Variants in CLASP2 observed in about 807,000 individuals in gnomAD.
CLASP2 encodes the protein CLIP-associating protein 2.
CLASP2 carries 47 observed loss-of-function variants against 194.4 expected under a neutral mutation model. The ratio of observed to expected loss-of-function variants is 0.24; its 90% CI spans 0.19 to 0.31. The LOEUF (loss-of-function observed/expected upper bound fraction) is 0.31. Ranked by LOEUF, CLASP2 falls within the 10% of genes least tolerant of loss-of-function variation. The pLI is 1.00. For missense variants in CLASP2, 1,445 were observed against 1,823.6 expected (o/e 0.79, Z 3.78); for synonymous variants, 619 against 633.5 (o/e 0.98, Z 0.34).
In CLASP2 at chr3:33,654,247, T is replaced by C. The variant is rs760497500; in HGVS notation, c.715+9198A>G. On this transcript the variant is annotated intron_variant, in intron 7 of 38. Transcript: ENST00000682230. ...AATCGTTTTATCAAACTCTTTCCCA[T>C]CCCTGATTCAGGGAACACAACATTT... 1.2e-4 allele frequency among the ~76,000 whole-genome samples: 19 copies of C among 152,316 alleles called. No individual in the cohort carries two copies. The Middle Eastern group carries it at 0.014, about 109-fold the overall frequency.
In CLASP2 at chr3:33,517,036, T is replaced by C; in HGVS notation, c.3926A>G (p.Asp1309Gly). The C allele has an allele frequency of 6.2e-7, 1 of 1,613,654 alleles. No individual in the cohort carries two copies. The highest frequency in any genetic ancestry group is 8.5e-7 in the Non-Finnish European group (1 of 1,179,768). ...AAGCAATATTGTTTTGAAGTGTTCA[T>C]CCCAAACACTAAAAGATTCTTCCTG... ...LTQEESFSVW[D>G]EHFKTILLLL... Residue 1309 changes from aspartate (D) to glycine (G), a missense_variant, in exon 35 of 39, where the codon GAT becomes GGT. Around this residue, in one of 4 missense-constraint regions of CLASP2, gnomAD observed 732 missense variants for 987.9 expected, o/e 0.74. Coordinates refer to ENST00000682230, the MANE Select transcript of CLASP2 (RefSeq NM_001365631.1).
At chr3:33,717,689 T>A in intron 1 of CLASP2, 119 bp downstream of exon 1, 1 of 1,079,684 alleles carries the variant, frequency 9.3e-7, no homozygotes, top group Non-Finnish European at 1.3e-6. Context: ...CTTCCCAAAG[T>A]GTGTTTCCCC....
chr3:33,540,120 G>C (rs2058092108), intron 32 of CLASP2, among the ~76,000 whole-genome samples: 1 of 151,850 alleles, frequency 6.6e-6, no homozygotes, highest in Non-Finnish European at 1.5e-5. Context: ...AGTAGAGATG[G>C]GGTTTCACCA....
chr3:33,632,165 A>G (rs2079207399), intron 9 of CLASP2, 127 bp downstream of exon 9: 1 of 543,004 alleles, frequency 1.8e-6, no homozygotes, highest in East Asian at 3.3e-5. Context: ...CTTGGTATTA[A>G]TAAGTCAAAT....
At chr3:33,663,014 CT>C (rs1265756232) in intron 7 of CLASP2, among the ~76,000 whole-genome samples, 3 of 151,974 alleles carry the variant, frequency 2.0e-5, no homozygotes, top group African/African-American at 7.2e-5. Context: ...CAGTTATAGT[CT>C]CTTGATCTAT....
At chr3:33,592,607 A>G in intron 20 of CLASP2, 111 bp from the exon 21 acceptor site, 1 of 839,040 alleles carries the variant, frequency 1.2e-6, no homozygotes, top group Non-Finnish European at 1.9e-6. Flanking sequence ...GTAATAATGT[A>G]ATCATCAATT....
At chr3:33,622,049 T>A in intron 11 of CLASP2, 86 bp downstream of exon 11, 1 of 997,352 alleles carries the variant, frequency 1.0e-6, no homozygotes, top group Non-Finnish European at 1.4e-6. Context: ...TTAGCTATCT[T>A]GCTACTGCTT....
chr3:33,604,805 T>C (rs1407933506), intron 16 of CLASP2, among the ~76,000 whole-genome samples: 3 of 152,190 alleles, frequency 2.0e-5, no homozygotes, highest in East Asian at 1.9e-4. Context: ...ACACACATCA[T>C]GGTGACCACC....
rs746857446 is a variant in CLASP2 at position 33,632,449 on chromosome 3, ACT to A, written c.863-80_863-79del. On this transcript the variant is annotated intron_variant, in intron 8 of 38. Coordinates refer to ENST00000682230, the MANE Select transcript of CLASP2 (RefSeq NM_001365631.1). ...CATTAATGACAACATGAAAAATAAA[ACT>A]CTTTTGATATCAACAAAAGTATAAT... The A allele has an allele frequency of 9.9e-5, 100 of 1,008,874 alleles. No homozygotes were observed. The Middle Eastern group carries it at 1.1e-3, about 11-fold the overall frequency. The allele number at this position is 1,008,874 out of a possible 1,614,324, so 62.5% of individuals were successfully genotyped here. A position where few individuals can be genotyped will look rare whatever the true frequency, so the allele number is the denominator to read the frequency against.
intron 5 of CLASP2, among the ~76,000 whole-genome samples, chr3:33,686,577 C>T (rs1292837803): frequency 1.3e-5 from 2 of 152,102 alleles, no homozygotes; most frequent in Admixed American, 6.6e-5. Context: ...GAAAAACTGT[C>T]CCTGGTGCCA....
rs184646904 is a variant in CLASP2 at position 33,602,893 on chromosome 3, T to C, written c.1924+59A>G. 246 of 1,464,366 alleles carry C rather than the reference T, an allele frequency of 1.7e-4. 2 individuals are homozygous for C. In the East Asian group the frequency reaches 4.1e-3, roughly 25 times the overall value. The allele number at this position is 1,464,366 out of a possible 1,614,324, so 90.7% of individuals were successfully genotyped here. A position where few individuals can be genotyped will look rare whatever the true frequency, so the allele number is the denominator to read the frequency against. On this transcript the variant is annotated intron_variant, in intron 18 of 38. Transcript: ENST00000682230. Reference sequence around the variant, plus strand: ...TAGAAATGATTAAGGTATATGAACTTGTCTTCACAGAGATCAGGGAGAGAA... The same window carrying C: ...TAGAAATGATTAAGGTATATGAACTCGTCTTCACAGAGATCAGGGAGAGAA...
intron 29 of CLASP2, among the ~76,000 whole-genome samples, chr3:33,552,370 G>C (rs1167424478): frequency 6.6e-6 from 1 of 152,132 alleles, no homozygotes; most frequent in South Asian, 2.1e-4. Context: ...GCCTGCCTCA[G>C]TCTCCCGAAG....
At chr3:33,581,687 C>G in intron 23 of CLASP2, 134 bp downstream of exon 23, 1 of 610,874 alleles carries the variant, frequency 1.6e-6, no homozygotes, top group Non-Finnish European at 2.9e-6. Flanking sequence ...AATTTCCTTT[C>G]CTCAAAATGA....
chr3:33,682,614 A>G (rs2090022627), intron 6 of CLASP2, among the ~76,000 whole-genome samples: 1 of 152,240 alleles, frequency 6.6e-6, no homozygotes, highest in African/African-American at 2.4e-5. Flanking sequence ...AAAAGTATAT[A>G]AACTGAGAAG....
At chr3:33,657,766 A>G (rs2084546134) in intron 7 of CLASP2, among the ~76,000 whole-genome samples, 2 of 152,212 alleles carry the variant, frequency 1.3e-5, no homozygotes, top group African/African-American at 4.8e-5. Flanking sequence ...CGATATGCCA[A>G]ACCAAATTTT....
intron 31 of CLASP2, among the ~76,000 whole-genome samples, 184 bp from the exon 32 acceptor site, chr3:33,543,723 T>G (rs960970689): frequency 4.6e-5 from 7 of 152,198 alleles, no homozygotes; most frequent in African/African-American, 1.7e-4. Flanking sequence ...TACTTAGGAA[T>G]GTAACTCTTT....
intron 6 of CLASP2, among the ~76,000 whole-genome samples, chr3:33,670,786 C>T (rs532943258): frequency 6.6e-6 from 1 of 152,230 alleles, no homozygotes; most frequent in South Asian, 2.1e-4. Flanking sequence ...CATGGTGGTG[C>T]AGAGGGAGAT....
intron 6 of CLASP2, 92 bp from the exon 7 acceptor site, chr3:33,663,607 C>T: frequency 2.4e-6 from 2 of 843,756 alleles, no homozygotes; most frequent in Non-Finnish European, 3.8e-6. Flanking sequence ...TTAGAAAAAA[C>T]AATTGTAGGG....
intron 1 of CLASP2, among the ~76,000 whole-genome samples, chr3:33,704,663 G>T (rs1459619349): frequency 6.6e-6 from 1 of 152,084 alleles, no homozygotes; most frequent in Non-Finnish European, 1.5e-5. Flanking sequence ...TGAGGCAGGA[G>T]AATCACTTGA....
Sources: allele counts gnomAD v4.1 joint callset (sites outside exome capture counted in the v4.1 genomes callset), GRCh38; gene constraint gnomAD v4.1.1; regional missense constraint gnomAD v4.1.1; transcripts MANE v1.5; gene names NCBI Gene and HGNC (gene_info 2026-07-23, HGNC 2026-07-21).